The following MAP2K5 variants were observed in gnomAD, a reference collection of about 807,000 sequenced individuals.
The protein encoded by MAP2K5 is mitogen-activated protein kinase kinase 5.
A neutral mutation model predicts 83.1 loss-of-function variants in MAP2K5; 49 were observed. The ratio of observed to expected loss-of-function variants is 0.59; its 90% confidence interval spans 0.47 to 0.75. The LOEUF is 0.75. Ranked by LOEUF, MAP2K5 falls within the 30% of genes least tolerant of loss-of-function variation. The pLI is 0.00. For synonymous variants in MAP2K5, 202 were observed against 191.8 expected, an observed-to-expected ratio of 1.05 and a Z score of -0.44; for missense variants, 457 against 557.5, an observed-to-expected ratio of 0.82 and a Z score of 1.82.
In MAP2K5 at chr15:67,777,984, G is replaced by C. The variant is rs2090267716; in HGVS notation, c.1242+5232G>C. 6.6e-6 allele frequency among the ~76,000 whole-genome samples: 1 copy of C among 152,116 alleles called. No homozygotes were observed. Among genetic ancestry groups the C allele is most frequent in the Non-Finnish European group, 1.5e-5 (1 of 68,030 alleles). The stretch of plus-strand genomic sequence containing the variant: ...AGTTGGCATGGGTCCTAGAAGGCGG[G>C]GTATCAGTTAAAATCAGAATAGCGC... On this transcript the variant is annotated intron_variant, in intron 21 of 21. Transcript: ENST00000178640. This position sits in a 1 kb window ranked among gnomAD's most constrained non-coding sequence, Gnocchi z 6.0.
At chr15:67,651,308 T>G (rs1361039881) in intron 11 of MAP2K5, among the ~76,000 whole-genome samples, 2 of 152,236 alleles carry the variant, frequency 1.3e-5, no homozygotes, top group African/African-American at 4.8e-5. Flanking sequence ...AAGCATACAA[T>G]GTGTAGTAAT....
At chr15:67,742,471 G>A (rs1041336795) in intron 17 of MAP2K5, among the ~76,000 whole-genome samples, 1 of 152,120 alleles carries the variant, frequency 6.6e-6, no homozygotes, top group African/African-American at 2.4e-5. Flanking sequence ...AAAGAGTAGA[G>A]TAGTCTAAAG....
At chr15:67,767,821 C>T (rs1047608966) in intron 19 of MAP2K5, among the ~76,000 whole-genome samples, 7 of 152,068 alleles carry the variant, frequency 4.6e-5, no homozygotes, top group African/African-American at 1.2e-4. Context: ...TTTTTCATGT[C>T]GTCTCTGTGT....
intron 16 of MAP2K5, among the ~76,000 whole-genome samples, chr15:67,712,276 G>T (rs537337565): frequency 1.3e-5 from 2 of 152,324 alleles, no homozygotes; most frequent in African/African-American, 4.8e-5. Context: ...TAAAGATCCA[G>T]ACGTTTGGAG....
rs2088849861 is a variant in MAP2K5, at chr15:67,717,283, C to T, written c.1045-10633C>T. Among the ~76,000 whole-genome samples the T allele has an allele frequency of 6.6e-6, 1 of 152,144 alleles. No individual in the cohort carries two copies. The highest frequency in any genetic ancestry group is 1.9e-4 in the East Asian group (1 of 5,200). On this transcript the variant is annotated intron_variant, in intron 16 of 21. Coordinates refer to ENST00000178640, the MANE Select transcript of MAP2K5 (RefSeq NM_145160.3). The surrounding 1 kb of genome is among the most constrained non-coding windows in gnomAD (Gnocchi z 4.1). ...CTAGTTACCTTTCAGAAACTAAGGC[C>T]TAGTTTATTTATTAAAAAGAAACAC...
chr15:67,641,721 T>C (rs2086714650), intron 9 of MAP2K5: 1 of 649,854 alleles, frequency 1.5e-6, no homozygotes, highest in African/African-American at 2.0e-5. Flanking sequence ...TTCTTTCCAG[T>C]TTGAAACATT....
At chr15:67,796,328 A>G (rs1243735182) in intron 21 of MAP2K5, among the ~76,000 whole-genome samples, 1 of 152,196 alleles carries the variant, frequency 6.6e-6, no homozygotes, top group African/African-American at 2.4e-5. Context: ...CTGAAAAGTG[A>G]TTTAGTTGGC....
At chr15:67,691,589 C>G (rs1378816407) in intron 13 of MAP2K5, among the ~76,000 whole-genome samples, 1 of 152,190 alleles carries the variant, frequency 6.6e-6, no homozygotes, top group African/African-American at 2.4e-5. Context: ...AACCAGTTGT[C>G]TCTGCTGGAC....
chr15:67,746,412 A>G lies in MAP2K5; in HGVS notation c.1075-1819A>G, dbSNP rs779289215. Among the ~76,000 whole-genome samples, 58 of 152,020 alleles carry G rather than the reference A, an allele frequency of 3.8e-4. No individual in the cohort carries two copies. The highest frequency in any genetic ancestry group is 2.9e-4 in the Non-Finnish European group (20 of 67,976). ...ATAACTCCGTTGTTGAAGCAGATAT[A>G]TCTTACTAGGAATGTAGGGGTGGGG... On this transcript the variant is annotated intron_variant, in intron 17 of 21. Coordinates refer to ENST00000178640, the MANE Select transcript of MAP2K5 (RefSeq NM_145160.3). The surrounding 1 kb of genome is among the most constrained non-coding windows in gnomAD (Gnocchi z 4.1).
Position 67,786,840 on chromosome 15 carries a change from G to A in MAP2K5, c.1242+14088G>A, listed in dbSNP as rs771573224. On this transcript the variant is annotated intron_variant, in intron 21 of 21. Coordinates refer to ENST00000178640, the MANE Select transcript of MAP2K5 (RefSeq NM_145160.3). This position sits in a 1 kb window ranked among gnomAD's most constrained non-coding sequence, Gnocchi z 4.7. ...TAGCACAGTGTCTGGCATAAAATAA[G>A]TGTTCAATAAATGGTAACCATTTTT... is the stretch of plus-strand genomic sequence containing the variant. 5.3e-5 allele frequency among the ~76,000 whole-genome samples: 8 copies of A among 152,184 alleles called. No homozygotes were observed. Among genetic ancestry groups the A allele is most frequent in the Non-Finnish European group, 1.2e-4 (8 of 68,038 alleles).
At chr15:67,550,191 C>T in intron 2 of MAP2K5, 109 bp downstream of exon 2, 1 of 747,998 alleles carries the variant, frequency 1.3e-6, no homozygotes, top group Non-Finnish European at 2.4e-6. Flanking sequence ...TATTTATGAC[C>T]ATCATATGGT....
At chr15:67,566,421 A>G (rs2140970710) in intron 3 of MAP2K5, among the ~76,000 whole-genome samples, 1 of 152,070 alleles carries the variant, frequency 6.6e-6, no homozygotes, top group East Asian at 1.9e-4. Flanking sequence ...AGTGATCCGC[A>G]CACCTTGGCC....
Position 67,748,734 on chromosome 15 carries a change from G to A in MAP2K5, c.1134+133G>A. The A allele has an allele frequency of 1.4e-6, 1 of 728,792 alleles. No individual in the cohort carries two copies. Among genetic ancestry groups the A allele is most frequent in the Non-Finnish European group, 2.3e-6 (1 of 441,844 alleles). The allele number at this position is 728,792 out of a possible 1,614,324, so 45.1% of individuals were successfully genotyped here. ...GTTGTGTTGTATGGCTCTGAGCTAT[G>A]TTACGTGAACTGGCCTTGTCCTGAA... On this transcript the variant is annotated intron_variant, in intron 19 of 21. Coordinates refer to ENST00000178640, the MANE Select transcript of MAP2K5 (RefSeq NM_145160.3). This position sits in a 1 kb window ranked among gnomAD's most constrained non-coding sequence, Gnocchi z 4.0.
chr15:67,754,466 G>A (rs966907420), intron 19 of MAP2K5, among the ~76,000 whole-genome samples: 2 of 152,050 alleles, frequency 1.3e-5, no homozygotes, highest in Non-Finnish European at 2.9e-5. Flanking sequence ...CTCCTCCTTG[G>A]GCTGTGATCT....
chr15:67,566,017 C>T (rs2084830707), intron 3 of MAP2K5, among the ~76,000 whole-genome samples: 1 of 152,166 alleles, frequency 6.6e-6, no homozygotes, highest in Non-Finnish European at 1.5e-5. Context: ...TCATGATTAC[C>T]AGCATGTTCC....
chr15:67,769,515 C>A lies in MAP2K5; in HGVS notation c.1135-87C>A. 1 of 1,145,164 alleles carries A rather than the reference C, an allele frequency of 8.7e-7. No individual in the cohort carries two copies. Among genetic ancestry groups the A allele is most frequent in the Non-Finnish European group, 1.3e-6 (1 of 760,528 alleles). 70.9% of individuals were successfully genotyped at this position (1,145,164 alleles called of 1,614,324 possible). On this transcript the variant is annotated intron_variant, in intron 19 of 21. Coordinates refer to ENST00000178640, the MANE Select transcript of MAP2K5 (RefSeq NM_145160.3). The surrounding 1 kb of genome is among the most constrained non-coding windows in gnomAD (Gnocchi z 5.2). ...TATTCTCATTGTATTCATCTTTATA[C>A]TCATCCTTCACATGGGTGGGTGGGG...
chr15:67,753,008 G>A (rs964718420), intron 19 of MAP2K5, among the ~76,000 whole-genome samples: 15 of 152,150 alleles, frequency 9.9e-5, no homozygotes, highest in Middle Eastern at 3.4e-3. Flanking sequence ...ATAGACATAC[G>A]GAATAGAATT....
chr15:67,737,381 A>G (rs896469498), intron 17 of MAP2K5, among the ~76,000 whole-genome samples: 1 of 152,206 alleles, frequency 6.6e-6, no homozygotes, highest in African/African-American at 2.4e-5. Context: ...TTGGCTTCCA[A>G]GTTAAAAAGG....
Position 67,780,214 on chromosome 15 carries a change from G to GA in MAP2K5, c.1242+7469dup, listed in dbSNP as rs1228557956. Among the ~76,000 whole-genome samples the GA allele has an allele frequency of 6.6e-6, 1 of 151,108 alleles. No homozygotes were observed. The highest frequency in any genetic ancestry group is 1.5e-5 in the Non-Finnish European group (1 of 67,810). On this transcript the variant is annotated intron_variant, in intron 21 of 21. Coordinates refer to ENST00000178640, the MANE Select transcript of MAP2K5 (RefSeq NM_145160.3). The surrounding 1 kb of genome is among the most constrained non-coding windows in gnomAD (Gnocchi z 5.0). The stretch of plus-strand genomic sequence containing the variant: ...TACCTCAGAGGTTTAAAAGGCTAAA[G>GA]AAAAAAATGCCTGGATCCTAACCTA...
Sources: allele counts gnomAD v4.1 joint callset (sites outside exome capture counted in the v4.1 genomes callset), GRCh38; gene constraint gnomAD v4.1.1; non-coding constraint Gnocchi (gnomAD v3.1); transcripts MANE v1.5; gene names NCBI Gene and HGNC (gene_info 2026-07-23, HGNC 2026-07-21).